The following GRIN2B variants were observed in gnomAD, a reference collection of about 807,000 sequenced individuals.
GRIN2B encodes glutamate ionotropic receptor NMDA type subunit 2B.
A neutral mutation model predicts 114.5 loss-of-function variants in GRIN2B; 5 were observed. That is an observed-to-expected ratio of 0.04 (90% CI 0.02 to 0.09). The LOEUF is 0.09. Ranked by LOEUF, GRIN2B falls within the 10% of genes least tolerant of loss-of-function variation. GRIN2B has a pLI of 1.00. For synonymous variants in GRIN2B, 787 were observed against 745.1 expected, an observed-to-expected ratio of 1.06 and a Z score of -0.92; for missense variants, 1,108 against 1,943.5, an observed-to-expected ratio of 0.57 and a Z score of 8.08.
At chr12:13,760,500 T>C (rs1348278483) in intron 3 of GRIN2B, among the ~76,000 whole-genome samples, 2 of 152,178 alleles carry the variant, frequency 1.3e-5, no homozygotes, top group Admixed American at 6.5e-5. Flanking sequence ...AGTACACTAG[T>C]ATAGTTTCAG....
intron 4 of GRIN2B, among the ~76,000 whole-genome samples, chr12:13,727,522 C>T (rs1189884599): frequency 6.6e-6 from 1 of 152,198 alleles, no homozygotes; most frequent in Non-Finnish European, 1.5e-5. Flanking sequence ...AGATGTGACA[C>T]AGCTTGTTCT....
At chr12:13,702,688 C>T (rs899875952) in intron 4 of GRIN2B, among the ~76,000 whole-genome samples, 1 of 152,120 alleles carries the variant, frequency 6.6e-6, no homozygotes, top group African/African-American at 2.4e-5. Flanking sequence ...TCCAAATACC[C>T]CATAAAGACG....
chr12:13,689,846 G>A (rs1159955406), intron 4 of GRIN2B, among the ~76,000 whole-genome samples: 1 of 152,172 alleles, frequency 6.6e-6, no homozygotes, highest in Non-Finnish European at 1.5e-5. Context: ...TACACTTTCT[G>A]CCTCTTCCAT....
intron 3 of GRIN2B, among the ~76,000 whole-genome samples, chr12:13,794,220 A>G (rs1322271256): frequency 2.0e-5 from 3 of 148,304 alleles, no homozygotes; most frequent in East Asian, 2.0e-4. Context: ...AAAAAAAAAA[A>G]AAAGAAAAAG....
chr12:13,832,743 A>G (rs896650981), intron 3 of GRIN2B, among the ~76,000 whole-genome samples: 1 of 152,188 alleles, frequency 6.6e-6, no homozygotes, highest in Non-Finnish European at 1.5e-5. Context: ...ACTCACCGTG[A>G]TAACTAATGC....
intron 2 of GRIN2B, among the ~76,000 whole-genome samples, chr12:13,971,177 C>T (rs1862905595): frequency 6.6e-6 from 1 of 152,206 alleles, no homozygotes; most frequent in African/African-American, 2.4e-5. Context: ...GTGCCTCACA[C>T]CACCACACAG....
At chr12:13,687,952 G>A (rs917209712) in intron 4 of GRIN2B, among the ~76,000 whole-genome samples, 5 of 152,142 alleles carry the variant, frequency 3.3e-5, no homozygotes, top group Admixed American at 3.3e-4. Flanking sequence ...TGCTCTGGCT[G>A]CTCAATTTTT....
At chr12:13,976,222 C>T (rs1040544232) in intron 2 of GRIN2B, among the ~76,000 whole-genome samples, 17 of 152,230 alleles carry the variant, frequency 1.1e-4, no homozygotes, top group African/African-American at 3.4e-4. Flanking sequence ...TGGAGACTTC[C>T]TCTTGTGGTT....
intron 5 of GRIN2B, among the ~76,000 whole-genome samples, chr12:13,659,696 TATC>T (rs1949901427): frequency 6.6e-6 from 1 of 152,146 alleles, no homozygotes; most frequent in East Asian, 1.9e-4. Flanking sequence ...CTGCCTGAAA[TATC>T]ATCCTCACTT....
chr12:13,864,257 C>G (rs1865790204), intron 3 of GRIN2B, among the ~76,000 whole-genome samples: 1 of 152,172 alleles, frequency 6.6e-6, no homozygotes, highest in South Asian at 2.1e-4. Flanking sequence ...CTAGTCATCT[C>G]TGCCTGCTGC....
intron 5 of GRIN2B, among the ~76,000 whole-genome samples, chr12:13,667,833 A>G (rs1949992005): frequency 1.3e-5 from 2 of 152,208 alleles, no homozygotes; most frequent in Admixed American, 1.3e-4. Flanking sequence ...AATTCTTTGT[A>G]GGTGCAGATA....
chr12:13,946,733 T>A (rs1867368861), intron 2 of GRIN2B, among the ~76,000 whole-genome samples: 1 of 152,190 alleles, frequency 6.6e-6, no homozygotes, highest in Non-Finnish European at 1.5e-5. Context: ...TAAAATCTTA[T>A]TACATTTTAT....
At chr12:13,626,025 C>T (rs189048871) in intron 5 of GRIN2B, among the ~76,000 whole-genome samples, 2 of 152,312 alleles carry the variant, frequency 1.3e-5, no homozygotes, top group African/African-American at 2.4e-5. Context: ...GGCTCAAAAA[C>T]TCCCAAGCCA....
At chr12:13,591,759 A>G (rs1434967473) in intron 10 of GRIN2B, among the ~76,000 whole-genome samples, 1 of 152,152 alleles carries the variant, frequency 6.6e-6, no homozygotes, top group Non-Finnish European at 1.5e-5. Flanking sequence ...AAGAACACAT[A>G]ATACAAAGGT....
At chr12:13,577,769 G>A (rs1948796430) in intron 10 of GRIN2B, among the ~76,000 whole-genome samples, 1 of 152,034 alleles carries the variant, frequency 6.6e-6, no homozygotes, top group African/African-American at 2.4e-5. Context: ...GCATCTATTA[G>A]GGCAGGAGAC....
intron 3 of GRIN2B, among the ~76,000 whole-genome samples, chr12:13,857,238 C>T (rs1865676596): frequency 1.3e-5 from 2 of 152,142 alleles, no homozygotes; most frequent in Admixed American, 1.3e-4. Flanking sequence ...GTGATTTGAG[C>T]ATATTTATGG....
chr12:13,897,682 C>T (rs1048126082), intron 2 of GRIN2B, among the ~76,000 whole-genome samples: 2 of 152,050 alleles, frequency 1.3e-5, no homozygotes, highest in Admixed American at 6.6e-5. Flanking sequence ...ATTAGGTAAT[C>T]TTAAAGGTCT....
At chr12:13,916,840 T>C (rs1866740034) in intron 2 of GRIN2B, among the ~76,000 whole-genome samples, 1 of 151,584 alleles carries the variant, frequency 6.6e-6, no homozygotes, top group Non-Finnish European at 1.5e-5. Flanking sequence ...ATTATTATTA[T>C]ATATGGTACA....
chr12:13,645,540 G>T (rs536922932), intron 5 of GRIN2B, among the ~76,000 whole-genome samples: 141 of 152,216 alleles, frequency 9.3e-4, no homozygotes, highest in Non-Finnish European at 1.7e-3. Flanking sequence ...CTCTACCCAG[G>T]ACTGCCACAA....
Sources: allele counts gnomAD v4.1 joint callset (sites outside exome capture counted in the v4.1 genomes callset), GRCh38; gene constraint gnomAD v4.1.1; transcripts MANE v1.5; gene names NCBI Gene and HGNC (gene_info 2026-07-23, HGNC 2026-07-21).